The following GPATCH2 variants were observed in gnomAD, a reference collection of about 807,000 sequenced individuals.
GPATCH2 encodes G-patch domain containing 2.
Under a neutral mutation model 58.0 loss-of-function variants are expected in GPATCH2, and 51 were observed. The observed-to-expected ratio is 0.88, with a 90% CI of 0.70 to 1.11. The LOEUF (loss-of-function observed/expected upper bound fraction) is 1.11, where lower values mean the gene tolerates loss of function less well. Ranked by LOEUF, GPATCH2 falls within the 50% of genes most tolerant of loss-of-function variation. GPATCH2 has a pLI of 0.00. For missense variants in GPATCH2, 625 were observed against 652.2 expected (o/e 0.96, Z 0.45); for synonymous variants, 222 against 218.5 (o/e 1.02, Z -0.14).
intron 5 of GPATCH2, among the ~76,000 whole-genome samples, chr1:217,562,197 T>G (rs929234350): frequency 6.6e-6 from 1 of 152,092 alleles, no homozygotes; most frequent in African/African-American, 2.4e-5. Flanking sequence ...AATGCCCCCC[T>G]CCCTTTTTTA....
intron 9 of GPATCH2, among the ~76,000 whole-genome samples, chr1:217,441,527 C>T (rs1267919883): frequency 6.6e-6 from 1 of 152,102 alleles, no homozygotes; most frequent in Non-Finnish European, 1.5e-5. Context: ...AGAGCTTTTG[C>T]ACAGCAAAAG....
At chr1:217,591,261 T>A (rs944291706) in intron 5 of GPATCH2, among the ~76,000 whole-genome samples, 1 of 152,104 alleles carries the variant, frequency 6.6e-6, no homozygotes, top group African/African-American at 2.4e-5. Flanking sequence ...CATATATATA[T>A]GATGGACATA....
At chr1:217,521,806 A>T (rs1366408900) in intron 5 of GPATCH2, among the ~76,000 whole-genome samples, 1 of 152,302 alleles carries the variant, frequency 6.6e-6, no homozygotes, top group African/African-American at 2.4e-5. Context: ...AAAAAAAAAT[A>T]GCCAAAGATA....
At chr1:217,514,096 G>C (rs994048636) in intron 6 of GPATCH2, among the ~76,000 whole-genome samples, 1 of 151,440 alleles carries the variant, frequency 6.6e-6, no homozygotes, top group Non-Finnish European at 1.5e-5. Context: ...CAAAGTGCTG[G>C]GATTACAACT....
At position 217,603,225 on chromosome 1, in the gene GPATCH2, G is replaced by A. The variant is rs532438129; in HGVS notation, c.1098+7096C>T. ...GAAGTCTATGAAGTCAAGCCAATTC[G>A]AAGACTAAGTTATCAGAGAAGCAAG... is the stretch of plus-strand genomic sequence containing the variant. On this transcript the variant is annotated intron_variant, in intron 5 of 9. Coordinates refer to ENST00000366935, the MANE Select transcript of GPATCH2 (RefSeq NM_018040.5). Among the ~76,000 whole-genome samples the A allele has an allele frequency of 3.1e-4, 47 of 152,182 alleles. 1 individual carries two copies. The highest frequency in any genetic ancestry group is 9.6e-4 in the African/African-American group (40 of 41,532).
intron 5 of GPATCH2, among the ~76,000 whole-genome samples, chr1:217,548,480 A>G (rs959100944): frequency 6.6e-6 from 1 of 152,210 alleles, no homozygotes; most frequent in Admixed American, 6.5e-5. Flanking sequence ...TCTTCGCAAA[A>G]TCAGAAATCT....
chr1:217,513,291 CA>C (rs1209029058), intron 6 of GPATCH2, among the ~76,000 whole-genome samples: 1 of 149,818 alleles, frequency 6.7e-6, no homozygotes, highest in Non-Finnish European at 1.5e-5. Context: ...GACTTTGTCT[CA>C]GGGAAAAAAA....
intron 5 of GPATCH2, among the ~76,000 whole-genome samples, chr1:217,564,784 A>G (rs1023214475): frequency 2.0e-5 from 3 of 152,202 alleles, no homozygotes; most frequent in African/African-American, 7.2e-5. Flanking sequence ...CTTGGGTACA[A>G]CCATATATTA....
At chr1:217,511,841 T>TGTGTGTGAG (rs1558446027) in intron 6 of GPATCH2, among the ~76,000 whole-genome samples, 3 of 131,592 alleles carry the variant, frequency 2.3e-5, no homozygotes, top group African/African-American at 8.2e-5. Flanking sequence ...GTGTGTGTGT[T>TGTGTGTGAG]TGTGTCTATA....
chr1:217,627,235 G>A (rs978027621), intron 1 of GPATCH2, among the ~76,000 whole-genome samples: 14 of 151,990 alleles, frequency 9.2e-5, no homozygotes, highest in African/African-American at 3.1e-4. Flanking sequence ...CCACAAATAA[G>A]AGAAACTGGT....
At position 217,603,605 on chromosome 1, in the gene GPATCH2, A is replaced by AATTT. The variant is rs201623295; in HGVS notation, c.1098+6712_1098+6715dup. Reference sequence around the variant, plus strand: ...AGTTGTAAATGACATCAAAATAGAGAATTTATTTATTTATTTATTTATTTT... The same window carrying AATTT: ...AGTTGTAAATGACATCAAAATAGAGAATTTATTTATTTATTTATTTATTTATTTT... On this transcript the variant is annotated intron_variant, in intron 5 of 9. Transcript: ENST00000366935. Among the ~76,000 whole-genome samples the AATTT allele has an allele frequency of 7.9e-3, 1,207 of 151,856 alleles. 18 individuals are homozygous for AATTT. Among genetic ancestry groups the AATTT allele is most frequent in the African/African-American group, 0.027 (1,115 of 41,434 alleles).
Position 217,623,962 on chromosome 1 carries a change from C to A in GPATCH2, c.57-3463G>T, listed in dbSNP as rs569946214. Among the ~76,000 whole-genome samples the A allele has an allele frequency of 3.3e-4, 50 of 152,120 alleles. 2 individuals carry two copies. The highest frequency in any genetic ancestry group is 1.0e-3 in the African/African-American group (43 of 41,524). ...ATATTTTAAAAAACACTGTAATTAG[C>A]AGAATCCAATTTATTCCATGATGTC... On this transcript the variant is annotated intron_variant, in intron 1 of 9. Transcript: ENST00000366935.
intron 6 of GPATCH2, among the ~76,000 whole-genome samples, chr1:217,505,540 G>C (rs1310694524): frequency 5.9e-5 from 9 of 152,090 alleles, no homozygotes; most frequent in Admixed American, 5.9e-4. Flanking sequence ...GGATTTCATG[G>C]GAAGTCAATT....
intron 5 of GPATCH2, among the ~76,000 whole-genome samples, chr1:217,542,766 A>G (rs1158130735): frequency 6.6e-6 from 1 of 152,224 alleles, no homozygotes; most frequent in Non-Finnish European, 1.5e-5. Context: ...AATTAATACT[A>G]AAGTCCTAAA....
At chr1:217,550,606 A>T (rs1006954940) in intron 5 of GPATCH2, among the ~76,000 whole-genome samples, 13 of 152,182 alleles carry the variant, frequency 8.5e-5, no homozygotes, top group Non-Finnish European at 1.8e-4. Flanking sequence ...AAAAAGACAT[A>T]GCTAATATCT....
intron 5 of GPATCH2, among the ~76,000 whole-genome samples, chr1:217,607,243 T>C (rs1668404366): frequency 6.6e-6 from 1 of 152,220 alleles, no homozygotes. Context: ...TGAAAAATGT[T>C]GAGTTGCCCG....
rs1324945393 is a variant in GPATCH2 at position 217,430,966 on chromosome 1, C to A, written c.*179G>T. 1 of 600,430 alleles carries A rather than the reference C, an allele frequency of 1.7e-6. No homozygotes were observed. The highest frequency in any genetic ancestry group is 3.0e-5 in the Admixed American group (1 of 33,256). 37.2% of individuals were successfully genotyped at this position (600,430 alleles called of 1,614,324 possible). ...AGTGCAGAGGTTTTCATTTTAGCAC[C>A]ATGAATTGTGATGAAATCCCATTTC... On this transcript the variant is annotated 3_prime_UTR_variant, in exon 10 of 10. Coordinates refer to ENST00000366935, the MANE Select transcript of GPATCH2 (RefSeq NM_018040.5).
In GPATCH2 at chr1:217,620,339, G is replaced by A. The variant is rs375962510; in HGVS notation, c.217C>T (p.Arg73Trp). 1.6e-5 allele frequency: 26 copies of A among 1,613,916 alleles called. No individual in the cohort carries two copies. The highest frequency in any genetic ancestry group is 6.6e-5 in the South Asian group (6 of 91,068). The part of the protein sequence containing the change: ...RQARKRRGRK[R>W]RSYNVHHPWE... The stretch of plus-strand genomic sequence containing the variant: ...GGGTGATGCACATTATACGACCTCC[G>A]TTTTCTCCCTCTCCTTTTCCTTGCC... The change falls in exon 2 of 10, where the codon CGG (arginine) becomes TGG (tryptophan). Residue 73 changes from arginine to tryptophan, a missense_variant. Transcript: ENST00000366935.
intron 9 of GPATCH2, among the ~76,000 whole-genome samples, chr1:217,445,222 CATT>C (rs980279002): frequency 2.0e-5 from 3 of 151,970 alleles, no homozygotes; most frequent in Non-Finnish European, 2.9e-5. Context: ...TTTACTATGA[CATT>C]ATTTCAATAG....
Sources: allele counts gnomAD v4.1 joint callset (sites outside exome capture counted in the v4.1 genomes callset), GRCh38; gene constraint gnomAD v4.1.1; transcripts MANE v1.5; gene names NCBI Gene and HGNC (gene_info 2026-07-23, HGNC 2026-07-21).